GALNT13: variants seen among roughly 807,000 people sequenced by gnomAD.
GALNT13 encodes the protein polypeptide N-acetylgalactosaminyltransferase 13, also known as UDP-GalNAc:polypeptide N-acetylgalactosaminyltransferase 13.
GALNT13 carries 28 observed loss-of-function variants against 64.2 expected under a neutral mutation model. The observed-to-expected ratio is 0.44, with a 90% confidence interval of 0.32 to 0.60. GALNT13 has a LOEUF of 0.60. Ranked by LOEUF, GALNT13 falls within the 20% of genes least tolerant of loss-of-function variation. GALNT13 has a pLI of 0.05. For missense variants in GALNT13, 577 were observed against 669.8 expected, an observed-to-expected ratio of 0.86 and a Z score of 1.53; for synonymous variants, 214 against 224.6, an observed-to-expected ratio of 0.95 and a Z score of 0.42.
At chr2:153,116,753 C>T in the GALNT13 span, among the ~76,000 whole-genome samples, 4 of 150,346 alleles carry the variant, frequency 2.7e-5, no homozygotes, top group African/African-American at 9.8e-5. Context: ...TAAAAATGAC[C>T]ACAACATTGA....
the GALNT13 span, among the ~76,000 whole-genome samples, chr2:153,673,241 C>A: frequency 1.3e-5 from 2 of 152,106 alleles, no homozygotes; most frequent in Non-Finnish European, 1.5e-5. Flanking sequence ...CAAAGCCTGG[C>A]AGAGACACAA....
chr2:153,871,486 C>T (rs557651254), upstream of GALNT13, among the ~76,000 whole-genome samples: 1 of 152,322 alleles, frequency 6.6e-6, no homozygotes, highest in Non-Finnish European at 1.5e-5. Context: ...CCGGCGCTTT[C>T]CCCGAGGGCA....
intron 3 of GALNT13, among the ~76,000 whole-genome samples, chr2:154,027,563 G>T (rs1030514778): frequency 1.3e-5 from 2 of 152,072 alleles, no homozygotes; most frequent in African/African-American, 4.8e-5. Flanking sequence ...AATGACATGT[G>T]AGATATATAA....
At chr2:153,274,855 C>T in the GALNT13 span, among the ~76,000 whole-genome samples, 2 of 152,198 alleles carry the variant, frequency 1.3e-5, no homozygotes, top group Non-Finnish European at 2.9e-5. Context: ...AAGTAGGGTT[C>T]TTCTACAAAA....
intron 1 of GALNT13, among the ~76,000 whole-genome samples, chr2:153,886,819 T>G (rs186058726): frequency 6.6e-6 from 1 of 152,150 alleles, no homozygotes; most frequent in East Asian, 1.9e-4. Flanking sequence ...TTCTTGGCAA[T>G]TAATTAGGAC....
chr2:153,429,832 C>T, the GALNT13 span, among the ~76,000 whole-genome samples: 1 of 152,062 alleles, frequency 6.6e-6, no homozygotes, highest in South Asian at 2.1e-4. Context: ...CTCACCATCA[C>T]CTATTTTTGA....
chr2:154,384,368 A>G (rs1300343909), intron 9 of GALNT13, among the ~76,000 whole-genome samples: 1 of 151,890 alleles, frequency 6.6e-6, no homozygotes, highest in Non-Finnish European at 1.5e-5. Context: ...ACACCTATTT[A>G]ACTTTGTTTT....
the GALNT13 span, among the ~76,000 whole-genome samples, chr2:153,108,342 G>T: frequency 6.6e-6 from 1 of 152,118 alleles, no homozygotes; most frequent in Non-Finnish European, 1.5e-5. Context: ...GTATACTGCA[G>T]TTGGGGAGGG....
chr2:154,145,812 C>A lies in GALNT13; in HGVS notation c.311+5307C>A, dbSNP rs147080681. 3.3e-5 allele frequency among the ~76,000 whole-genome samples: 5 copies of A among 151,930 alleles called. No individual in the cohort carries two copies. The East Asian group carries it at 9.7e-4, about 30-fold the overall frequency. The stretch of plus-strand genomic sequence containing the variant: ...TATATATTTTTTCTGTGCTCAATCT[C>A]GTGAGTACGTGCTCATTTATAAGGT... On this transcript the variant is annotated intron_variant, in intron 4 of 12. Transcript: ENST00000392825.
At chr2:153,600,075 C>G in the GALNT13 span, among the ~76,000 whole-genome samples, 1 of 152,044 alleles carries the variant, frequency 6.6e-6, no homozygotes, top group East Asian at 1.9e-4. Flanking sequence ...GCCCTAGTTA[C>G]TAAAAAATAT....
At chr2:153,170,812 A>G in the GALNT13 span, among the ~76,000 whole-genome samples, 8 of 152,338 alleles carry the variant, frequency 5.3e-5, no homozygotes, top group African/African-American at 1.2e-4. Flanking sequence ...CTTTTGAAAT[A>G]CATTTCTCAT....
the GALNT13 span, among the ~76,000 whole-genome samples, chr2:153,650,926 G>A: frequency 3.3e-5 from 5 of 151,988 alleles, no homozygotes; most frequent in African/African-American, 1.2e-4. Flanking sequence ...TGTAACTTTG[G>A]GACTAGCTTT....
the GALNT13 span, among the ~76,000 whole-genome samples, chr2:153,216,631 G>A: frequency 6.6e-6 from 1 of 151,894 alleles, no homozygotes; most frequent in South Asian, 2.1e-4. Context: ...CCAAATAATT[G>A]CATCATTTTA....
chr2:153,729,448 C>A, the GALNT13 span, among the ~76,000 whole-genome samples: 2 of 152,024 alleles, frequency 1.3e-5, no homozygotes, highest in African/African-American at 4.8e-5. Flanking sequence ...ATTATTGTGT[C>A]ATCTTAAGAA....
At chr2:153,924,427 A>G (rs765284932) in intron 2 of GALNT13, among the ~76,000 whole-genome samples, 4 of 152,132 alleles carry the variant, frequency 2.6e-5, no homozygotes, top group Non-Finnish European at 4.4e-5. Flanking sequence ...TCCATGGTGT[A>G]TATATACCAC....
At chr2:154,048,007 G>A (rs1037570410) in intron 3 of GALNT13, among the ~76,000 whole-genome samples, 2 of 152,156 alleles carry the variant, frequency 1.3e-5, no homozygotes, top group African/African-American at 4.8e-5. Context: ...AAGAAAAGAG[G>A]TTTAATTGGC....
chr2:153,516,111 G>A, the GALNT13 span, among the ~76,000 whole-genome samples: 13 of 152,192 alleles, frequency 8.5e-5, no homozygotes, highest in Non-Finnish European at 1.3e-4. Flanking sequence ...TAGAGTAGTT[G>A]AGGGCAAAGT....
chr2:153,132,889 T>G, the GALNT13 span, among the ~76,000 whole-genome samples: 1 of 152,010 alleles, frequency 6.6e-6, no homozygotes, highest in South Asian at 2.1e-4. Context: ...CTCAGCTATG[T>G]TTTTGGTATT....
At position 154,028,585 on chromosome 2, in the gene GALNT13, T is replaced by C. The variant is rs373569048; in HGVS notation, c.142+83946T>C. ...AATAATAGATTAAGTTTTCTGTGAT[T>C]ATTTTAGCCAGTTCATTAGGGAATT... is the stretch of plus-strand genomic sequence containing the variant. On this transcript the variant is annotated intron_variant, in intron 3 of 12. Transcript: ENST00000392825. Among the ~76,000 whole-genome samples the C allele has an allele frequency of 1.1e-4, 17 of 152,276 alleles. 1 individual carries two copies. The East Asian group carries it at 2.1e-3, about 19-fold the overall frequency.
Sources: allele counts gnomAD v4.1 joint callset (sites outside exome capture counted in the v4.1 genomes callset), GRCh38; gene constraint gnomAD v4.1.1; transcripts MANE v1.5; gene names NCBI Gene and HGNC (gene_info 2026-07-23, HGNC 2026-07-21).